Variants in NALCN observed in about 807,000 individuals in gnomAD.
NALCN encodes the protein sodium leak channel NALCN.
NALCN carries 111 observed loss-of-function variants against 225.3 expected under a neutral mutation model. That is an observed-to-expected ratio of 0.49 (90% CI 0.42 to 0.58). The LOEUF (loss-of-function observed/expected upper bound fraction) is 0.58. Among genes scored for constraint, NALCN ranks in the 20% least tolerant of loss-of-function variants. The pLI is 0.00. For missense variants in NALCN, 1,378 were observed against 2,202.4 expected (o/e 0.63, Z 7.49); for synonymous variants, 764 against 769.0 (o/e 0.99, Z 0.11).
intron 34 of NALCN, among the ~76,000 whole-genome samples, chr13:101,076,463 G>C (rs987144307): frequency 6.6e-6 from 1 of 152,326 alleles, no homozygotes; most frequent in East Asian, 1.9e-4. Context: ...AGCAGGAAGA[G>C]ATGACTGCAC....
intron 15 of NALCN, among the ~76,000 whole-genome samples, chr13:101,174,770 C>T (rs1477144578): frequency 3.9e-5 from 6 of 152,126 alleles, no homozygotes; most frequent in African/African-American, 1.4e-4. Flanking sequence ...TGGAACCTGG[C>T]GGTAGCACTA....
intron 1 of NALCN, among the ~76,000 whole-genome samples, chr13:101,408,108 C>A (rs889259257): frequency 6.6e-6 from 1 of 152,158 alleles, no homozygotes; most frequent in African/African-American, 2.4e-5. Context: ...CTGATTGCCA[C>A]CCCAGGAATA....
chr13:101,347,102 A>G (rs908272076), intron 6 of NALCN, among the ~76,000 whole-genome samples: 1 of 151,100 alleles, frequency 6.6e-6, no homozygotes, highest in African/African-American at 2.4e-5. Flanking sequence ...TCCCTTAGCT[A>G]TTTGCTGCCA....
At position 101,081,539 on chromosome 13, in the gene NALCN, G is replaced by T. The variant is rs1362901999; in HGVS notation, c.3873C>A (p.His1291Gln). ...CTTCTATGCTTACCAGGAGGGCAAA[G>T]TGAAGCACCACCCATACAACGCCAA... ...TSLGVVWVVLHFALLNAYTYM... is the reference protein window; with the variant it reads ...TSLGVVWVVLQFALLNAYTYM... Residue 1291 changes from histidine to glutamine, a missense_variant, in exon 34 of 44, where the codon CAC becomes CAA. His to Gln is a conservative substitution (Grantham distance 24, BLOSUM62 0). Transcript: ENST00000251127. 1 of 1,614,000 alleles carries T rather than the reference G, an allele frequency of 6.2e-7. No homozygotes were observed. Among genetic ancestry groups the T allele is most frequent in the Non-Finnish European group, 8.5e-7 (1 of 1,180,010 alleles).
chr13:101,314,515 T>C (rs958120950), intron 7 of NALCN, among the ~76,000 whole-genome samples: 3 of 152,124 alleles, frequency 2.0e-5, no homozygotes, highest in African/African-American at 7.2e-5. Flanking sequence ...ACAGCCTGAA[T>C]AGTTCAGTCA....
At chr13:101,071,621 A>C (rs1473680296) in intron 37 of NALCN, among the ~76,000 whole-genome samples, 1 of 152,164 alleles carries the variant, frequency 6.6e-6, no homozygotes, top group Non-Finnish European at 1.5e-5. Flanking sequence ...GCTTAAGGGC[A>C]TGTTGTGGCT....
chr13:101,398,915 G>T, intron 2 of NALCN, 104 bp downstream of exon 2: 1 of 691,978 alleles, frequency 1.4e-6, no homozygotes. Context: ...ATATTCTACT[G>T]CAGCTCAGAT....
intron 7 of NALCN, among the ~76,000 whole-genome samples, chr13:101,313,554 C>A (rs945423601): frequency 5.3e-5 from 8 of 151,992 alleles, no homozygotes; most frequent in African/African-American, 1.9e-4. Context: ...TTTATGCAGC[C>A]AAAAAACACA....
At chr13:101,087,635 G>A (rs1351566338) in intron 30 of NALCN, among the ~76,000 whole-genome samples, 1 of 152,040 alleles carries the variant, frequency 6.6e-6, no homozygotes, top group African/African-American at 2.4e-5. Context: ...TGAGCTGATA[G>A]AACATACGCC....
intron 6 of NALCN, among the ~76,000 whole-genome samples, chr13:101,375,379 T>C (rs768211819): frequency 2.0e-5 from 3 of 152,162 alleles, no homozygotes; most frequent in Non-Finnish European, 4.4e-5. Flanking sequence ...AAATAAAGTG[T>C]TGGAATTGAG....
intron 15 of NALCN, among the ~76,000 whole-genome samples, chr13:101,156,659 T>G (rs1253760299): frequency 6.6e-6 from 1 of 152,204 alleles, no homozygotes; most frequent in Non-Finnish European, 1.5e-5. Context: ...CATTTATAAC[T>G]TCTTTCTCTG....
At chr13:101,255,847 A>T (rs78701097) in intron 11 of NALCN, among the ~76,000 whole-genome samples, 5,068 of 152,268 alleles carry the variant, frequency 0.033, 289 homozygotes, top group African/African-American at 0.12. Flanking sequence ...GTAGACGAGG[A>T]AGAGGTGCCC....
chr13:101,404,305 G>A lies in NALCN; in HGVS notation c.-39-5140C>T, dbSNP rs72654888. The stretch of plus-strand genomic sequence containing the variant: ...GAGATTCATGCAAAAATCCAGGAGA[G>A]CTGACTGGTCTTTCTTTGCCTAGAT... On this transcript the variant is annotated intron_variant, in intron 1 of 43. Coordinates refer to ENST00000251127, the MANE Select transcript of NALCN (RefSeq NM_052867.4). 2.6e-3 allele frequency among the ~76,000 whole-genome samples: 397 copies of A among 152,304 alleles called. 1 individual carries two copies. Among genetic ancestry groups the A allele is most frequent in the Non-Finnish European group, 4.4e-3 (302 of 68,018 alleles).
intron 15 of NALCN, among the ~76,000 whole-genome samples, chr13:101,170,548 C>G (rs956886003): frequency 6.6e-6 from 1 of 152,120 alleles, no homozygotes; most frequent in African/African-American, 2.4e-5. Context: ...TATCATGCAG[C>G]TTAAGGCTAA....
chr13:101,134,349 C>T (rs184750988), intron 17 of NALCN, among the ~76,000 whole-genome samples: 137 of 152,284 alleles, frequency 9.0e-4, no homozygotes, highest in African/African-American at 3.2e-3. Context: ...CTCCTAGGCA[C>T]CCAGCACAAG....
chr13:101,068,038 T>TA lies in NALCN; in HGVS notation c.4331-6dup, dbSNP rs752713406. The stretch of plus-strand genomic sequence containing the variant: ...AGAAATTCTCCACAATTATGGCTTT[T>TA]AAAAAAAGAAAAATTCAGAAGTTAG... On this transcript the variant is annotated splice_region_variant and splice_polypyrimidine_tract_variant and intron_variant, in intron 38 of 43. Transcript: ENST00000251127. 1.9e-6 allele frequency: 3 copies of TA among 1,552,828 alleles called. No homozygotes were observed. The highest frequency in any genetic ancestry group is 2.6e-6 in the Non-Finnish European group (3 of 1,140,138).
chr13:101,335,762 T>C (rs1743781779), intron 7 of NALCN, among the ~76,000 whole-genome samples: 1 of 151,942 alleles, frequency 6.6e-6, no homozygotes, highest in South Asian at 2.1e-4. Context: ...CAAATTAGTC[T>C]TTACTGGGCT....
At chr13:101,197,783 T>C (rs2140026609) in intron 13 of NALCN, among the ~76,000 whole-genome samples, 1 of 152,108 alleles carries the variant, frequency 6.6e-6, no homozygotes, top group South Asian at 2.1e-4. Context: ...TGAAGAAAAA[T>C]CAGATTGCCA....
At chr13:101,370,297 G>A (rs61973697) in intron 6 of NALCN, among the ~76,000 whole-genome samples, 30,073 of 152,108 alleles carry the variant, frequency 0.2, 3,173 homozygotes, top group Non-Finnish European at 0.24. Context: ...CAAATAGATA[G>A]CATTAAAAAC....
Sources: gnomAD v4.1 joint callset for allele counts (sites outside exome capture counted in the v4.1 genomes callset) on GRCh38, gnomAD v4.1.1 for gene constraint, MANE v1.5 for transcripts, NCBI Gene and HGNC (gene_info 2026-07-23, HGNC 2026-07-21) for gene names.